The following UNC5D variants were observed in gnomAD, a reference collection of about 807,000 sequenced individuals.
UNC5D encodes unc-5 netrin receptor D, also known as netrin receptor UNC5D.
Under a neutral mutation model 105.4 loss-of-function variants are expected in UNC5D, and 39 were observed. The observed-to-expected ratio is 0.37, with a 90% confidence interval of 0.29 to 0.48. The LOEUF (loss-of-function observed/expected upper bound fraction) is 0.48. Ranked by LOEUF, UNC5D falls within the 20% of genes least tolerant of loss-of-function variation. The probability of loss-of-function intolerance (pLI) is 0.98; values close to 1 mark genes in which losing one functional copy is unlikely to be tolerated. For synonymous variants in UNC5D, 452 were observed against 450.4 expected (o/e 1.00, Z -0.04); for missense variants, 991 against 1,202.4 (o/e 0.82, Z 2.60).
rs189839549 is a variant in UNC5D at position 35,631,935 on chromosome 8, A to G, written c.570+36278A>G. ...ATATTAGCCAGAACAATTAAGTGTT[A>G]TGCATCATTTATCCAATACCCAAAT... On this transcript the variant is annotated intron_variant, in intron 4 of 16. Transcript: ENST00000404895. 2.1e-3 allele frequency among the ~76,000 whole-genome samples: 320 copies of G among 152,334 alleles called. 2 individuals are homozygous for G. Among genetic ancestry groups the G allele is most frequent in the African/African-American group, 7.4e-3 (307 of 41,564 alleles).
chr8:35,539,007 T>G (rs1248144821), intron 1 of UNC5D, among the ~76,000 whole-genome samples: 2 of 152,132 alleles, frequency 1.3e-5, no homozygotes, highest in Non-Finnish European at 1.5e-5. Context: ...AGTATCAATA[T>G]AAAGTGAAAA....
In UNC5D at chr8:35,584,667, T is replaced by C. The variant is rs75440479; in HGVS notation, c.467-10887T>C. On this transcript the variant is annotated intron_variant, in intron 3 of 16. Coordinates refer to ENST00000404895, the MANE Select transcript of UNC5D (RefSeq NM_080872.4). ...GGTCTCACTGTGTGGCCCAAGCTGG[T>C]ATCAAACTCCTGGCCTGAAGAGATC... Among the ~76,000 whole-genome samples, 18 of 152,040 alleles carry C rather than the reference T, an allele frequency of 1.2e-4. 1 individual carries two copies. In the East Asian group the frequency reaches 3.5e-3, roughly 30 times the overall value.
At chr8:35,337,184 C>A (rs1417315226) in intron 1 of UNC5D, among the ~76,000 whole-genome samples, 4 of 152,144 alleles carry the variant, frequency 2.6e-5, no homozygotes, top group Admixed American at 2.6e-4. Flanking sequence ...CTTGAGAAGA[C>A]ATGGACGTCT....
intron 1 of UNC5D, among the ~76,000 whole-genome samples, chr8:35,301,007 T>G (rs539404226): frequency 6.6e-6 from 1 of 152,328 alleles, no homozygotes; most frequent in African/African-American, 2.4e-5. Context: ...TTCCTAGCTC[T>G]GCCTATTGAG....
At chr8:35,759,123 C>T (rs1371403859) in intron 13 of UNC5D, among the ~76,000 whole-genome samples, 197 bp from the exon 14 acceptor site, 1 of 152,196 alleles carries the variant, frequency 6.6e-6, no homozygotes, top group Non-Finnish European at 1.5e-5. Context: ...TCTAACCCAA[C>T]ACTTGTCACT....
At chr8:35,552,164 C>G (rs947746504) in intron 2 of UNC5D, among the ~76,000 whole-genome samples, 1 of 152,050 alleles carries the variant, frequency 6.6e-6, no homozygotes, top group Non-Finnish European at 1.5e-5. Flanking sequence ...CCAAAGCATG[C>G]GTAGAATCCT....
chr8:35,637,930 C>G (rs1280989387), intron 4 of UNC5D, among the ~76,000 whole-genome samples: 1 of 152,022 alleles, frequency 6.6e-6, no homozygotes, highest in Non-Finnish European at 1.5e-5. Flanking sequence ...CATGATAGAC[C>G]AGGTCAGTCT....
At chr8:35,399,469 T>C (rs2128948622) in intron 1 of UNC5D, among the ~76,000 whole-genome samples, 1 of 152,278 alleles carries the variant, frequency 6.6e-6, no homozygotes, top group East Asian at 1.9e-4. Flanking sequence ...AGCTTTTATT[T>C]TGTTCTGATT....
chr8:35,740,377 G>A (rs1038834502), intron 11 of UNC5D, among the ~76,000 whole-genome samples: 1 of 152,202 alleles, frequency 6.6e-6, no homozygotes, highest in Non-Finnish European at 1.5e-5. Flanking sequence ...GCTTGAAGAA[G>A]GGGCCTTGAG....
At chr8:35,705,158 G>C (rs1044863840) in intron 7 of UNC5D, among the ~76,000 whole-genome samples, 10 of 151,970 alleles carry the variant, frequency 6.6e-5, no homozygotes, top group African/African-American at 2.4e-4. Flanking sequence ...TAGAGACGGG[G>C]TTTCACCGTG....
At chr8:35,774,617 A>C (rs2131741363) in intron 16 of UNC5D, 140 bp downstream of exon 16, 1 of 1,155,206 alleles carries the variant, frequency 8.7e-7, no homozygotes, top group Middle Eastern at 2.5e-4. Context: ...GTTCCCACTA[A>C]GTAAGTGGGG....
At chr8:35,656,624 A>C (rs1563637150) in intron 4 of UNC5D, among the ~76,000 whole-genome samples, 2 of 152,126 alleles carry the variant, frequency 1.3e-5, no homozygotes. Context: ...TGCAAACCTT[A>C]ACCCTCTTTG....
intron 1 of UNC5D, among the ~76,000 whole-genome samples, chr8:35,450,991 T>C (rs115178225): frequency 0.011 from 1,600 of 152,154 alleles, 33 homozygotes; most frequent in African/African-American, 0.036. Context: ...TAGGATGAGT[T>C]TATTGGGGTA....
chr8:35,642,071 TG>T (rs1822785291), intron 4 of UNC5D, among the ~76,000 whole-genome samples: 1 of 152,104 alleles, frequency 6.6e-6, no homozygotes, highest in Non-Finnish European at 1.5e-5. Context: ...AACCTCCCCC[TG>T]CCTCTCTGAC....
intron 1 of UNC5D, among the ~76,000 whole-genome samples, chr8:35,401,165 A>C (rs1020769292): frequency 2.6e-5 from 4 of 152,116 alleles, no homozygotes; most frequent in Non-Finnish European, 5.9e-5. Flanking sequence ...TACTGCTATA[A>C]AAAACAAGGG....
intron 8 of UNC5D, among the ~76,000 whole-genome samples, chr8:35,713,060 T>A (rs1400374663): frequency 6.6e-6 from 1 of 152,186 alleles, no homozygotes; most frequent in Non-Finnish European, 1.5e-5. Context: ...TTTTTACTAT[T>A]TTCTATTTTT....
intron 1 of UNC5D, chr8:35,255,398 G>A (rs1804007444): frequency 6.6e-6 from 1 of 152,104 alleles, no homozygotes; most frequent in African/African-American, 2.4e-5. Context: ...GTAGTACTTT[G>A]TGTTAAATGA....
In UNC5D at chr8:35,750,660, A is replaced by G. The variant is rs777158239; in HGVS notation, c.2014A>G (p.Ser672Gly). 2 of 1,614,092 alleles carry G rather than the reference A, an allele frequency of 1.2e-6. No individual in the cohort carries two copies. The highest frequency in any genetic ancestry group is 4.5e-5 in the East Asian group (2 of 44,844). ...DPFACHVLLD[S>G]FGTYALTGEP... ...CTTTGCGTGTCATGTGCTCCTGGAC[A>G]GCTTTGGGACCTATGCGCTCACTGG... The change falls in exon 13 of 17, where the codon AGC (serine) becomes GGC (glycine). Residue 672 changes from serine to glycine, a missense_variant. Physicochemically the swap from Ser to Gly is moderately conservative, Grantham distance 56. This residue lies in a region of UNC5D where 944 missense variants were observed against 1,131.6 expected (regional missense o/e 0.83). Coordinates refer to ENST00000404895, the MANE Select transcript of UNC5D (RefSeq NM_080872.4).
chr8:35,646,582 C>T (rs1231367708), intron 4 of UNC5D, among the ~76,000 whole-genome samples: 2 of 152,018 alleles, frequency 1.3e-5, no homozygotes, highest in Non-Finnish European at 2.9e-5. Flanking sequence ...ATTTAAATGA[C>T]AGATGATTTA....
Sources: allele counts gnomAD v4.1 joint callset (sites outside exome capture counted in the v4.1 genomes callset), GRCh38; gene constraint gnomAD v4.1.1; regional missense constraint gnomAD v4.1.1; transcripts MANE v1.5; gene names NCBI Gene and HGNC (gene_info 2026-07-23, HGNC 2026-07-21).